Variants in SARDH observed in about 807,000 individuals in gnomAD.
SARDH encodes sarcosine dehydrogenase, mitochondrial.
In SARDH, 95 loss-of-function variants were observed where a neutral mutation model predicts 109.1. The observed-to-expected ratio is 0.87, with a 90% CI of 0.74 to 1.03. The LOEUF is 1.03. Among genes scored for constraint, SARDH ranks in the 50% least tolerant of loss-of-function variants. The pLI, the probability that SARDH is intolerant of heterozygous loss-of-function variation, is 0.00. For missense variants in SARDH, 1,267 were observed against 1,287.8 expected, an observed-to-expected ratio of 0.98 and a Z score of 0.25; for synonymous variants, 572 against 534.8, an observed-to-expected ratio of 1.07 and a Z score of -0.96.
At chr9:133,660,876 A>G (rs897365217), downstream of SARDH, among the ~76,000 whole-genome samples, 3 of 152,240 alleles carry the variant, frequency 2.0e-5, no homozygotes, top group African/African-American at 7.2e-5. Context: ...TGCTAGCCTC[A>G]TGTGGCTACT....
At position 133,718,861 on chromosome 9, in the gene SARDH, C is replaced by A; in HGVS notation, c.1020+77G>T. On this transcript the variant is annotated intron_variant, in intron 7 of 20. Transcript: ENST00000439388. The surrounding 1 kb of genome is among the most constrained non-coding windows in gnomAD (Gnocchi z 4.2). The stretch of plus-strand genomic sequence containing the variant: ...CTCTGAGGAGCTTCAGGAGGATGGA[C>A]TTCCTGAAAGAGGCCCTCTCCATGC... 1 of 1,159,796 alleles carries A rather than the reference C, an allele frequency of 8.6e-7. No homozygotes were observed. The highest frequency in any genetic ancestry group is 1.2e-5 in the South Asian group (1 of 81,120). 71.8% of individuals were successfully genotyped at this position (1,159,796 alleles called of 1,614,324 possible).
At chr9:133,688,400 G>A (rs1830965184) in intron 16 of SARDH, among the ~76,000 whole-genome samples, 1 of 149,372 alleles carries the variant, frequency 6.7e-6, no homozygotes, top group Admixed American at 6.7e-5. Flanking sequence ...CCCAGTCCAT[G>A]GGAACCACCA....
intron 19 of SARDH, chr9:133,667,193 GGTTT>G: frequency 5.2e-6 from 2 of 381,602 alleles, no homozygotes; most frequent in Non-Finnish European, 8.9e-6. Context: ...GTTCAACTCT[GGTTT>G]TTTTTTTTTT....
chr9:133,713,075 G>C lies in SARDH; in HGVS notation c.1200C>G (p.Leu400=). 2 of 1,613,352 alleles carry C rather than the reference G, an allele frequency of 1.2e-6. No individual in the cohort carries two copies. Residue 400 remains leucine, a synonymous_variant, in exon 9 of 21, where the codon CTC becomes CTG. Transcript: ENST00000439388. ...HKPLMGEAPE[L]RGFFLGCGFN... is the part of the protein sequence containing the mutation. ...AGCCACAGCCCAGGAAGAACCCTCG[G>C]AGCTCAGGTGCCTCCCCCATCAGGG...
downstream of SARDH, chr9:133,663,441 C>T (rs979531892): frequency 1.8e-4 from 43 of 238,306 alleles, no homozygotes; most frequent in East Asian, 6.0e-5. Flanking sequence ...CAATGCCAGT[C>T]GATCACCTCT....
chr9:133,674,013 G>A (rs982009821), intron 17 of SARDH, among the ~76,000 whole-genome samples: 1 of 152,202 alleles, frequency 6.6e-6, no homozygotes, highest in Non-Finnish European at 1.5e-5. Context: ...GTCCCTGAAC[G>A]AAGGAGCAAA....
intron 17 of SARDH, among the ~76,000 whole-genome samples, chr9:133,674,849 G>A: frequency 6.6e-6 from 1 of 152,154 alleles, no homozygotes; most frequent in Non-Finnish European, 1.5e-5. Context: ...CAAAAGCACA[G>A]GTCACAAAAG....
intron 11 of SARDH, among the ~76,000 whole-genome samples, chr9:133,707,955 A>C (rs1164074306): frequency 6.6e-6 from 1 of 152,058 alleles, no homozygotes; most frequent in Non-Finnish European, 1.5e-5. Flanking sequence ...GCATACACCC[A>C]CCAAGACCCC....
chr9:133,695,398 G>A (rs1238969308), intron 14 of SARDH, among the ~76,000 whole-genome samples: 14 of 152,300 alleles, frequency 9.2e-5, no homozygotes, highest in South Asian at 8.3e-4. Flanking sequence ...AGCTGAGATC[G>A]CGCCATTGCA....
intron 13 of SARDH, among the ~76,000 whole-genome samples, chr9:133,701,235 G>A (rs1002093236): frequency 9.9e-5 from 15 of 152,204 alleles, no homozygotes; most frequent in Admixed American, 4.6e-4. Context: ...GAAATTGGCC[G>A]GTGCTACAGA....
chr9:133,692,787 C>G lies in SARDH; in HGVS notation c.1921+1471G>C, dbSNP rs1465404012. Among the ~76,000 whole-genome samples, 1 of 152,138 alleles carries G rather than the reference C, an allele frequency of 6.6e-6. No individual in the cohort carries two copies. Among genetic ancestry groups the G allele is most frequent in the Admixed American group, 6.5e-5 (1 of 15,280 alleles). ...ACTGTTGAGGGAACGAGCGAAGGAA[C>G]GAGCTCATGGATCCATGAGGCACGA... On this transcript the variant is annotated intron_variant, in intron 15 of 20. Coordinates refer to ENST00000439388, the MANE Select transcript of SARDH (RefSeq NM_001134707.2). The surrounding 1 kb of genome is among the most constrained non-coding windows in gnomAD (Gnocchi z 5.0).
In SARDH at chr9:133,713,199, C is replaced by T. The variant is rs1831995420; in HGVS notation, c.1151-75G>A. The T allele has an allele frequency of 3.7e-6, 5 of 1,340,736 alleles. No homozygotes were observed. In the Admixed American group the frequency reaches 5.9e-5, roughly 16 times the overall value. 83.1% of individuals were successfully genotyped at this position (1,340,736 alleles called of 1,614,324 possible). A position where few individuals can be genotyped will look rare whatever the true frequency, so the allele number is the denominator to read the frequency against. The stretch of plus-strand genomic sequence containing the variant: ...CTTGGGGTGAGGTCTTCCAAGAGAG[C>T]AGTGATCAGGCAGGGTCTGCAGGGG... On this transcript the variant is annotated intron_variant, in intron 8 of 20. Transcript: ENST00000439388.
chr9:133,739,357 T>A (rs569936619), upstream of SARDH, among the ~76,000 whole-genome samples: 1 of 152,366 alleles, frequency 6.6e-6, no homozygotes, highest in East Asian at 1.9e-4. Flanking sequence ...GATGTCCGAC[T>A]GTCTTGTTGC....
At chr9:133,729,524 G>T (rs1253023329) in intron 6 of SARDH, among the ~76,000 whole-genome samples, 7 of 152,188 alleles carry the variant, frequency 4.6e-5, no homozygotes, top group African/African-American at 1.7e-4. Flanking sequence ...TCAAAGAGAG[G>T]CCAGGTCCTG....
intron 14 of SARDH, among the ~76,000 whole-genome samples, chr9:133,694,600 G>A (rs187912635): frequency 1.2e-3 from 178 of 152,298 alleles, no homozygotes; most frequent in African/African-American, 3.9e-3. Flanking sequence ...TCCCATCACC[G>A]TCACCCTTGC....
At chr9:133,702,579 C>CG (rs1831527502) in intron 13 of SARDH, among the ~76,000 whole-genome samples, 1 of 152,214 alleles carries the variant, frequency 6.6e-6, no homozygotes, top group Non-Finnish European at 1.5e-5. Context: ...ATGCCAGCCT[C>CG]GGCGCAGCTC....
Position 133,671,657 on chromosome 9 carries a change from C to T in SARDH, c.2204G>A (p.Trp735Ter), listed in dbSNP as rs747737814. Reference protein sequence around the residue: ...MRLSFVGELGWELHIPKASCV... With the variant: ...MRLSFVGELG ...GGACGCCTTTGGAATGTGCAGCTCC[C>T]AGCCCAGCTCCCCCACAAAGGACAG... The change falls in exon 18 of 21, where the codon TGG (tryptophan) becomes TAG (stop). Residue 735 changes from tryptophan to a stop codon, truncating the protein, a stop_gained. Transcript: ENST00000439388. LOFTEE classifies it high-confidence loss of function. The T allele has an allele frequency of 6.3e-7, 1 of 1,591,924 alleles. No homozygotes were observed. Among genetic ancestry groups the T allele is most frequent in the Non-Finnish European group, 8.6e-7 (1 of 1,169,584 alleles).
At chr9:133,699,747 C>T (rs971758778) in intron 13 of SARDH, among the ~76,000 whole-genome samples, 1 of 152,162 alleles carries the variant, frequency 6.6e-6, no homozygotes, top group African/African-American at 2.4e-5. Context: ...GATGTGGAGA[C>T]ACTGGAACCC....
rs772049118 is a variant in SARDH, at chr9:133,712,989, TGACAG to T, written c.1237+44_1237+48del. 2.0e-5 allele frequency: 31 copies of T among 1,546,432 alleles called. No homozygotes were observed. The Middle Eastern group carries it at 5.1e-4, about 25-fold the overall frequency. On this transcript the variant is annotated intron_variant, in intron 9 of 20. Coordinates refer to ENST00000439388, the MANE Select transcript of SARDH (RefSeq NM_001134707.2). This position sits in a 1 kb window ranked among gnomAD's most constrained non-coding sequence, Gnocchi z 4.1. ...CCCGCCTCCCCCAGAGCTCTGGGAA[TGACAG>T]GACCTCCCTCTTGGGGGCCAGGAGG...
Sources: allele counts gnomAD v4.1 joint callset (sites outside exome capture counted in the v4.1 genomes callset), GRCh38; gene constraint gnomAD v4.1.1; non-coding constraint Gnocchi (gnomAD v3.1); transcripts MANE v1.5; gene names NCBI Gene and HGNC (gene_info 2026-07-23, HGNC 2026-07-21).